SLC32A1: variants seen among roughly 807,000 people sequenced by gnomAD.
The protein encoded by SLC32A1 is solute carrier family 32 member 1.
In SLC32A1, 8 loss-of-function variants were observed where a neutral mutation model predicts 35.5. The ratio of observed to expected loss-of-function variants is 0.23; its 90% CI spans 0.13 to 0.41. The LOEUF (loss-of-function observed/expected upper bound fraction) is 0.41. Ranked by LOEUF, SLC32A1 falls within the 10% of genes least tolerant of loss-of-function variation. The pLI, the probability that SLC32A1 is intolerant of heterozygous loss-of-function variation, is 1.00. For synonymous variants in SLC32A1, 317 were observed against 326.3 expected, an observed-to-expected ratio of 0.97 and a Z score of 0.31; for missense variants, 493 against 722.3, an observed-to-expected ratio of 0.68 and a Z score of 3.64.
In SLC32A1 at chr20:38,724,964, G is replaced by C; in HGVS notation, c.240G>C (p.Glu80Asp). The C allele has an allele frequency of 6.2e-7, 1 of 1,604,472 alleles. No homozygotes were observed. Among genetic ancestry groups the C allele is most frequent in the Non-Finnish European group, 8.5e-7 (1 of 1,175,108 alleles). ...ACGAGGGCGCTGAAGCGCCCGTCGAGGGAGACATCCATTATCAGCGAGGCA... is the reference window on the plus strand; with the variant it reads ...ACGAGGGCGCTGAAGCGCCCGTCGACGGAGACATCCATTATCAGCGAGGCA... ...CGDEGAEAPV[E>D]GDIHYQRGSG... Residue 80 changes from glutamate to aspartate, a missense_variant, in exon 1 of 2, where the codon GAG becomes GAC. This residue lies in a region of SLC32A1 where 133 missense variants were observed against 145.9 expected (regional missense o/e 0.91). Transcript: ENST00000217420.
chr20:38,724,584 G>A lies in SLC32A1; in HGVS notation c.-141G>A. The A allele has an allele frequency of 9.5e-7, 1 of 1,052,946 alleles. No homozygotes were observed. The highest frequency in any genetic ancestry group is 1.3e-6 in the Non-Finnish European group (1 of 748,674). 65.2% of individuals were successfully genotyped at this position (1,052,946 alleles called of 1,614,324 possible). On this transcript the variant is annotated 5_prime_UTR_variant, in exon 1 of 2. Coordinates refer to ENST00000217420, the MANE Select transcript of SLC32A1 (RefSeq NM_080552.3). ...AGAGCCTCGAACGCCAGCTGCGAGG[G>A]TCATGAGCCAGAGAGCCCCGGGGCG...
rs2084278189 is a variant in SLC32A1 at position 38,726,891 on chromosome 20, C to T, written c.391-561C>T. 6.6e-6 allele frequency among the ~76,000 whole-genome samples: 1 copy of T among 152,186 alleles called. No homozygotes were observed. The highest frequency in any genetic ancestry group is 1.5e-5 in the Non-Finnish European group (1 of 68,036). The stretch of plus-strand genomic sequence containing the variant: ...TTTCCTTTTCGCCTCACAACTGCAG[C>T]CTTTAACGTTTCCTCCTCTGGTCTG... On this transcript the variant is annotated intron_variant, in intron 1 of 1. Coordinates refer to ENST00000217420, the MANE Select transcript of SLC32A1 (RefSeq NM_080552.3). This position sits in a 1 kb window ranked among gnomAD's most constrained non-coding sequence, Gnocchi z 4.7.
At position 38,728,890 on chromosome 20, in the gene SLC32A1, T is replaced by G; in HGVS notation, c.*251T>G. 3.3e-5 allele frequency: 14 copies of G among 423,196 alleles called. No homozygotes were observed. The highest frequency in any genetic ancestry group is 5.0e-5 in the Non-Finnish European group (12 of 237,770). 26.2% of individuals were successfully genotyped at this position (423,196 alleles called of 1,614,324 possible). ...GTTTTGGGGGGAGGCGGGGTGCATT[T>G]GCGGGCAGGGTTCTCTGTCCTTCCA... On this transcript the variant is annotated 3_prime_UTR_variant, in exon 2 of 2. Transcript: ENST00000217420.
chr20:38,727,629 G>A lies in SLC32A1; in HGVS notation c.568G>A (p.Ala190Thr), dbSNP rs1400399949. The A allele has an allele frequency of 6.2e-7, 1 of 1,613,740 alleles. No homozygotes were observed. Among genetic ancestry groups the A allele is most frequent in the Non-Finnish European group, 8.5e-7 (1 of 1,180,058 alleles). The change falls in exon 2 of 2, where the codon GCC becomes ACC. Residue 190 changes from alanine (A) to threonine (T), a missense_variant. Transcript: ENST00000217420. ...VRVRDSYVAIANACCAPRFPT... is the reference protein window; with the variant it reads ...VRVRDSYVAITNACCAPRFPT... Reference sequence around the variant, plus strand: ...CGTGCGGGACTCGTACGTGGCCATAGCCAACGCCTGCTGCGCCCCGCGCTT... The same window carrying A: ...CGTGCGGGACTCGTACGTGGCCATAACCAACGCCTGCTGCGCCCCGCGCTT...
At position 38,725,901 on chromosome 20, in the gene SLC32A1, A is replaced by G. The variant is rs568013647; in HGVS notation, c.390+787A>G. On this transcript the variant is annotated intron_variant, in intron 1 of 1. Transcript: ENST00000217420. The stretch of plus-strand genomic sequence containing the variant: ...AAACACATTTAGTCCGCAATAATCC[A>G]GCATTACCTGTGCACAGACTCGCCC... 3.9e-4 allele frequency among the ~76,000 whole-genome samples: 60 copies of G among 152,286 alleles called. No homozygotes were observed. The South Asian group carries it at 0.012, about 31-fold the overall frequency.
rs755986414 is a variant in SLC32A1, at chr20:38,727,616, G to T, written c.555G>T (p.Ser185=). 3.1e-6 allele frequency: 5 copies of T among 1,613,418 alleles called. No homozygotes were observed. The highest frequency in any genetic ancestry group is 3.4e-6 in the Non-Finnish European group (4 of 1,180,040). The change falls in exon 2 of 2, where the codon TCG becomes TCT. Residue 185 remains serine (S), a synonymous_variant. Transcript: ENST00000217420. The part of the protein sequence containing the change: ...EDGEVVRVRD[S]YVAIANACCA... The stretch of plus-strand genomic sequence containing the variant: ...GCGAGGTGGTGCGCGTGCGGGACTC[G>T]TACGTGGCCATAGCCAACGCCTGCT...
Position 38,726,637 on chromosome 20 carries a change from C to A in SLC32A1, c.391-815C>A, listed in dbSNP as rs1400142579. Among the ~76,000 whole-genome samples, 2 of 152,264 alleles carry A rather than the reference C, an allele frequency of 1.3e-5. No homozygotes were observed. The highest frequency in any genetic ancestry group is 3.4e-3 in the Middle Eastern group (1 of 294). On this transcript the variant is annotated intron_variant, in intron 1 of 1. Transcript: ENST00000217420. The surrounding 1 kb of genome is among the most constrained non-coding windows in gnomAD (Gnocchi z 4.7). ...CGGTTCGGCTTTCTGGCCTCCCTGG[C>A]GCCTTCCCGCCAAGCTCCTCCTCCT... is the stretch of plus-strand genomic sequence containing the variant.
chr20:38,725,117 A>G lies in SLC32A1; in HGVS notation c.390+3A>G. The stretch of plus-strand genomic sequence containing the variant: ...GGAACGTGACCAACGCCATCCAGGT[A>G]AGCGCGGGATTCCCAGTTCTGCCTG... On this transcript the variant is annotated splice_donor_region_variant and intron_variant, in intron 1 of 1. Coordinates refer to ENST00000217420, the MANE Select transcript of SLC32A1 (RefSeq NM_080552.3). The G allele has an allele frequency of 6.6e-7, 1 of 1,508,030 alleles. No homozygotes were observed. The highest frequency in any genetic ancestry group is 8.9e-7 in the Non-Finnish European group (1 of 1,128,820). The allele number at this position is 1,508,030 out of a possible 1,614,324, so 93.4% of individuals were successfully genotyped here.
Position 38,728,882 on chromosome 20 carries a change from G to A in SLC32A1, c.*243G>A, listed in dbSNP as rs377280130. 9.8e-6 allele frequency: 5 copies of A among 511,054 alleles called. No homozygotes were observed. Among genetic ancestry groups the A allele is most frequent in the African/African-American group, 5.8e-5 (3 of 51,502 alleles). 31.7% of individuals were successfully genotyped at this position (511,054 alleles called of 1,614,324 possible). ...ACACCCTGGTTTTGGGGGGAGGCGG[G>A]GTGCATTTGCGGGCAGGGTTCTCTG... On this transcript the variant is annotated 3_prime_UTR_variant, in exon 2 of 2. Coordinates refer to ENST00000217420, the MANE Select transcript of SLC32A1 (RefSeq NM_080552.3).
chr20:38,725,661 C>G (rs2084273262), intron 1 of SLC32A1, among the ~76,000 whole-genome samples: 1 of 152,102 alleles, frequency 6.6e-6, no homozygotes, highest in Non-Finnish European at 1.5e-5. Flanking sequence ...ATATATAGAC[C>G]ACAGTACTAT....
intron 1 of SLC32A1, 64 bp downstream of exon 1, chr20:38,725,178 C>T (rs372272937): frequency 8.7e-6 from 13 of 1,486,320 alleles, no homozygotes; most frequent in Admixed American, 2.4e-5. Context: ...CCGGGCTCTG[C>T]CCCCGACAGT....
At chr20:38,725,213 C>T in intron 1 of SLC32A1, 99 bp downstream of exon 1, 1 of 1,401,094 alleles carries the variant, frequency 7.1e-7, no homozygotes, top group Non-Finnish European at 9.5e-7. Flanking sequence ...GGCCTGGAGA[C>T]CCCCTCCTGT....
chr20:38,726,518 C>T lies in SLC32A1; in HGVS notation c.391-934C>T, dbSNP rs1427429288. On this transcript the variant is annotated intron_variant, in intron 1 of 1. Coordinates refer to ENST00000217420, the MANE Select transcript of SLC32A1 (RefSeq NM_080552.3). This position sits in a 1 kb window ranked among gnomAD's most constrained non-coding sequence, Gnocchi z 4.7. ...GCTGGAGGCTCGTAGGCCTCCGGGA[C>T]CCTGGATTTCGTTAGCTCTTAGTCC... Among the ~76,000 whole-genome samples the T allele has an allele frequency of 2.6e-5, 4 of 152,284 alleles. No homozygotes were observed. The East Asian group carries it at 7.7e-4, about 29-fold the overall frequency.
In SLC32A1 at chr20:38,728,450, C is replaced by T; in HGVS notation, c.1389C>T (p.Leu463=). 1 of 1,612,210 alleles carries T rather than the reference C, an allele frequency of 6.2e-7. No homozygotes were observed. The highest frequency in any genetic ancestry group is 8.5e-7 in the Non-Finnish European group (1 of 1,179,686). ...FALLMGLTGS[L]TGAGLCFLLP... The stretch of plus-strand genomic sequence containing the variant: ...TGCTCATGGGCCTCACCGGCAGCCT[C>T]ACGGGCGCCGGCCTCTGTTTCTTGC... The change falls in exon 2 of 2, where the codon CTC becomes CTT. Residue 463 remains leucine, a synonymous_variant. Transcript: ENST00000217420.
Position 38,727,792 on chromosome 20 carries a change from C to G in SLC32A1, c.731C>G (p.Ser244Cys), listed in dbSNP as rs767194991. 9 of 1,614,214 alleles carry G rather than the reference C, an allele frequency of 5.6e-6. No homozygotes were observed. The East Asian group carries it at 2.0e-4, about 36-fold the overall frequency. ...CTGCCCGTGTCGCAGAAGTCCTGGT[C>G]CATTATCGCCACGGCCGTGCTGCTG... Reference protein sequence around the residue: ...PGLPVSQKSWSIIATAVLLPC... With the variant: ...PGLPVSQKSWCIIATAVLLPC... Residue 244 changes from serine (S) to cysteine (C), a missense_variant, in exon 2 of 2, where the codon TCC becomes TGC. Coordinates refer to ENST00000217420, the MANE Select transcript of SLC32A1 (RefSeq NM_080552.3).
Position 38,727,672 on chromosome 20 carries a change from G to A in SLC32A1, c.611G>A (p.Arg204Gln). Residue 204 changes from arginine to glutamine, a missense_variant, in exon 2 of 2, where the codon CGA becomes CAA. Physicochemically the swap from Arg to Gln is conservative, Grantham distance 43. Coordinates refer to ENST00000217420, the MANE Select transcript of SLC32A1 (RefSeq NM_080552.3). ...CAPRFPTLGG[R>Q]VVNVAQIIEL... ...CCGCGCTTCCCAACGCTGGGCGGCC[G>A]AGTGGTGAACGTAGCGCAGATCATC... 6.2e-7 allele frequency: 1 copy of A among 1,614,194 alleles called. No homozygotes were observed. The highest frequency in any genetic ancestry group is 8.5e-7 in the Non-Finnish European group (1 of 1,180,038).
At position 38,727,826 on chromosome 20, in the gene SLC32A1, C is replaced by G. The variant is rs757154081; in HGVS notation, c.765C>G (p.Ala255=). The change falls in exon 2 of 2, where the codon GCC becomes GCG. Residue 255 remains alanine, a synonymous_variant. Transcript: ENST00000217420. The part of the protein sequence containing the change: ...IIATAVLLPC[A]FLKNLKAVSK... Reference sequence around the variant, plus strand: ...CCACGGCCGTGCTGCTGCCTTGCGCCTTCCTTAAGAACCTCAAGGCCGTGT... The same window carrying G: ...CCACGGCCGTGCTGCTGCCTTGCGCGTTCCTTAAGAACCTCAAGGCCGTGT... The G allele has an allele frequency of 1.2e-4, 198 of 1,614,114 alleles. 1 individual carries two copies. Among genetic ancestry groups the G allele is most frequent in the Non-Finnish European group, 1.2e-5 (14 of 1,180,050 alleles).
At chr20:38,727,376 A>G (rs2145649602) in intron 1 of SLC32A1, 76 bp from the exon 2 acceptor site, 1 of 1,414,100 alleles carries the variant, frequency 7.1e-7, no homozygotes, top group East Asian at 2.3e-5. Context: ...CACAGCGTTA[A>G]GCCACGCCCC....
In SLC32A1 at chr20:38,726,400, CG is replaced by C. The variant is rs2084276317; in HGVS notation, c.391-1048del. 6.6e-6 allele frequency among the ~76,000 whole-genome samples: 1 copy of C among 152,166 alleles called. No homozygotes were observed. Among genetic ancestry groups the C allele is most frequent in the African/African-American group, 2.4e-5 (1 of 41,448 alleles). On this transcript the variant is annotated intron_variant, in intron 1 of 1. Coordinates refer to ENST00000217420, the MANE Select transcript of SLC32A1 (RefSeq NM_080552.3). The surrounding 1 kb of genome is among the most constrained non-coding windows in gnomAD (Gnocchi z 4.7). ...AGACGGCCTTGCTGGATCACGGACC[CG>C]GGGCTGCTCCCGCCTTCGCTGTGCC...
Sources: allele counts gnomAD v4.1 joint callset (sites outside exome capture counted in the v4.1 genomes callset), GRCh38; gene constraint gnomAD v4.1.1; regional missense constraint gnomAD v4.1.1; non-coding constraint Gnocchi (gnomAD v3.1); transcripts MANE v1.5; gene names NCBI Gene and HGNC (gene_info 2026-07-23, HGNC 2026-07-21).